The following SCAPER variants were observed in gnomAD, a reference collection of about 807,000 sequenced individuals.
The protein encoded by SCAPER is S phase cyclin A-associated protein in the endoplasmic reticulum.
Under a neutral mutation model 182.2 loss-of-function variants are expected in SCAPER, and 98 were observed. The ratio of observed to expected loss-of-function variants is 0.54; its 90% confidence interval spans 0.46 to 0.64. SCAPER has a LOEUF of 0.64. Among genes scored for constraint, SCAPER ranks in the 30% least tolerant of loss-of-function variants. The pLI is 0.00. For synonymous variants in SCAPER, 605 were observed against 564.6 expected, an observed-to-expected ratio of 1.07 and a Z score of -1.01; for missense variants, 1,432 against 1,690.0, an observed-to-expected ratio of 0.85 and a Z score of 2.68.
chr15:76,794,797 G>A (rs1246081191), intron 8 of SCAPER, among the ~76,000 whole-genome samples: 2 of 151,908 alleles, frequency 1.3e-5, no homozygotes, highest in Non-Finnish European at 2.9e-5. Context: ...TTCTAGGTGG[G>A]CCCTCATAAT....
intron 21 of SCAPER, among the ~76,000 whole-genome samples, chr15:76,659,955 C>A (rs1161870903): frequency 6.6e-6 from 1 of 152,146 alleles, no homozygotes; most frequent in African/African-American, 2.4e-5. Flanking sequence ...GTGTTCATTG[C>A]AGCACTATTC....
chr15:76,531,863 T>C (rs1179028014), intron 23 of SCAPER, among the ~76,000 whole-genome samples: 3 of 152,118 alleles, frequency 2.0e-5, no homozygotes, highest in African/African-American at 7.2e-5. Context: ...CCACATTGTT[T>C]CACTCAGCAG....
Position 76,411,208 on chromosome 15 carries a change from T to C in SCAPER, c.3312-6529A>G, listed in dbSNP as rs2142216591. 1.3e-5 allele frequency among the ~76,000 whole-genome samples: 2 copies of C among 152,278 alleles called. 1 individual carries two copies. Among genetic ancestry groups the C allele is most frequent in the South Asian group, 4.1e-4 (2 of 4,820 alleles). On this transcript the variant is annotated intron_variant, in intron 26 of 31. Coordinates refer to ENST00000563290, the MANE Select transcript of SCAPER (RefSeq NM_020843.4). ...TTTGAGATTTATTCATGTTGGTGCA[T>C]GGGACAATAATTCCTTTCTTTATAT...
chr15:76,774,841 TC>T lies in SCAPER; in HGVS notation c.1035+13del. On this transcript the variant is annotated intron_variant, in intron 9 of 31. Coordinates refer to ENST00000563290, the MANE Select transcript of SCAPER (RefSeq NM_020843.4). ...TTTGAAAAAGACAGTAAAAGGATTTTCAGAATGTACTACCTGGGTTTTTTCG... is the reference window on the plus strand; with the variant it reads ...TTTGAAAAAGACAGTAAAAGGATTTTAGAATGTACTACCTGGGTTTTTTCG... 1 of 1,597,416 alleles carries T rather than the reference TC, an allele frequency of 6.3e-7. No homozygotes were observed. The highest frequency in any genetic ancestry group is 1.3e-5 in the African/African-American group (1 of 74,308).
chr15:76,359,816 T>C (rs1193123036), intron 29 of SCAPER, among the ~76,000 whole-genome samples: 1 of 152,194 alleles, frequency 6.6e-6, no homozygotes, highest in Non-Finnish European at 1.5e-5. Flanking sequence ...CCTCCATTGC[T>C]CTGCTGGGGG....
At chr15:76,836,797 C>G (rs1369233879) in intron 5 of SCAPER, among the ~76,000 whole-genome samples, 1 of 151,914 alleles carries the variant, frequency 6.6e-6, no homozygotes, top group African/African-American at 2.4e-5. Flanking sequence ...TGGCATGAAC[C>G]CAGGAGGCAC....
At chr15:76,443,272 C>T (rs546173417) in intron 25 of SCAPER, among the ~76,000 whole-genome samples, 1 of 152,194 alleles carries the variant, frequency 6.6e-6, no homozygotes, top group Non-Finnish European at 1.5e-5. Context: ...AATAAACTTA[C>T]ACCAACTTGT....
intron 16 of SCAPER, among the ~76,000 whole-genome samples, chr15:76,729,259 T>C (rs932034564): frequency 1.4e-5 from 2 of 143,538 alleles, no homozygotes; most frequent in Non-Finnish European, 3.0e-5. Flanking sequence ...ATATATGTTT[T>C]ATATATATAT....
At chr15:76,670,226 C>T (rs1443325255) in intron 20 of SCAPER, among the ~76,000 whole-genome samples, 1 of 151,592 alleles carries the variant, frequency 6.6e-6, no homozygotes, top group Admixed American at 6.6e-5. Context: ...TAGAAAAAAA[C>T]TGTTTTGAAG....
At chr15:76,727,904 T>G (rs1394638406) in intron 17 of SCAPER, among the ~76,000 whole-genome samples, 1 of 151,924 alleles carries the variant, frequency 6.6e-6, no homozygotes, top group East Asian at 1.9e-4. Context: ...AATAGGCACT[T>G]TGCATAAAAA....
At chr15:76,504,231 AAG>A (rs1230472564) in intron 24 of SCAPER, among the ~76,000 whole-genome samples, 1 of 152,148 alleles carries the variant, frequency 6.6e-6, no homozygotes, top group African/African-American at 2.4e-5. Flanking sequence ...CTCTGTAAAT[AAG>A]AGTCTCCACA....
chr15:76,359,626 T>G (rs2041256817), intron 29 of SCAPER, among the ~76,000 whole-genome samples: 1 of 152,180 alleles, frequency 6.6e-6, no homozygotes, highest in Admixed American at 6.5e-5. Context: ...AGAGCAAGGA[T>G]GAGCTTCCCT....
At chr15:76,476,916 T>TATAA (rs34455805) in intron 24 of SCAPER, among the ~76,000 whole-genome samples, 149,212 of 152,152 alleles carry the variant, frequency 0.98, 73,225 homozygotes, top group South Asian at 1. Flanking sequence ...TTTTCAATGT[T>TATAA]ATAAAGTTGT....
chr15:76,368,396 C>T (rs1207763900), intron 29 of SCAPER, among the ~76,000 whole-genome samples: 1 of 152,174 alleles, frequency 6.6e-6, no homozygotes, highest in African/African-American at 2.4e-5. Flanking sequence ...GGGGAAACAC[C>T]CGAGGTGAGT....
intron 23 of SCAPER, among the ~76,000 whole-genome samples, chr15:76,558,312 A>T (rs1390580183): frequency 6.6e-6 from 1 of 152,142 alleles, no homozygotes; most frequent in Non-Finnish European, 1.5e-5. Context: ...ACAAAAAAAC[A>T]AAGAAAAAGT....
chr15:76,552,226 T>C (rs1405973830), intron 23 of SCAPER, among the ~76,000 whole-genome samples: 1 of 152,046 alleles, frequency 6.6e-6, no homozygotes, highest in Non-Finnish European at 1.5e-5. Flanking sequence ...GAGGTTGCAG[T>C]GAGCTGACTG....
chr15:76,686,587 C>G (rs188924514), intron 20 of SCAPER, among the ~76,000 whole-genome samples: 8 of 152,182 alleles, frequency 5.3e-5, no homozygotes, highest in Non-Finnish European at 1.2e-4. Context: ...TATACATGTA[C>G]AAGTGGTATG....
rs113094663 is a variant in SCAPER, at chr15:76,898,056, C to T, written c.-60+7243G>A. On this transcript the variant is annotated intron_variant, in intron 1 of 31. Coordinates refer to ENST00000563290, the MANE Select transcript of SCAPER (RefSeq NM_020843.4). ...AGCAACCAAGAGGAAGAATAAGAAC[C>T]CACGTCAGGTTAAATAGCACCACTA... Among the ~76,000 whole-genome samples the T allele has an allele frequency of 3.9e-3, 588 of 152,144 alleles. 1 individual carries two copies. The highest frequency in any genetic ancestry group is 7.2e-3 in the Non-Finnish European group (488 of 67,992).
intron 17 of SCAPER, among the ~76,000 whole-genome samples, chr15:76,724,266 T>C (rs192131182): frequency 1.3e-5 from 2 of 152,218 alleles, no homozygotes; most frequent in East Asian, 3.9e-4. Flanking sequence ...CATTCTCTTC[T>C]GGCTTATAGA....
Sources: allele counts gnomAD v4.1 joint callset (sites outside exome capture counted in the v4.1 genomes callset), GRCh38; gene constraint gnomAD v4.1.1; transcripts MANE v1.5; gene names NCBI Gene and HGNC (gene_info 2026-07-23, HGNC 2026-07-21).